ABR: variants seen among roughly 807,000 people sequenced by gnomAD.
ABR encodes active breakpoint cluster region-related protein.
A neutral mutation model predicts 107.2 loss-of-function variants in ABR; 35 were observed. The observed-to-expected ratio is 0.33, with a 90% CI of 0.25 to 0.43. The LOEUF (loss-of-function observed/expected upper bound fraction) is 0.43. Ranked by LOEUF, ABR falls within the 20% of genes least tolerant of loss-of-function variation. ABR has a pLI of 1.00. For synonymous variants in ABR, 498 were observed against 462.0 expected (o/e 1.08, Z -1.00); for missense variants, 815 against 1,115.2 (o/e 0.73, Z 3.83).
At chr17:1,028,154 G>GCA (rs2072378748) in intron 16 of ABR, among the ~76,000 whole-genome samples, 1 of 152,070 alleles carries the variant, frequency 6.6e-6, no homozygotes, top group Admixed American at 6.5e-5. Flanking sequence ...GCAGTGGCAT[G>GCA]ATCTCGGCTC....
rs570463043 is a variant in ABR, at chr17:1,223,907, C to T, written c.838+4886G>A. Among the ~76,000 whole-genome samples, 3 of 152,240 alleles carry T rather than the reference C, an allele frequency of 2.0e-5. No homozygotes were observed. In the East Asian group the frequency reaches 5.8e-4, roughly 29 times the overall value. On this transcript the variant is annotated intron_variant, in intron 1 of 22. Transcript: ENST00000574139. ...GTCGCCTCCCACCAGGTCCCTCCCT[C>T]GACACGTGGGGATGACAATTCGAGA...
At chr17:1,043,569 C>G (rs2031032179) in intron 16 of ABR, among the ~76,000 whole-genome samples, 1 of 152,170 alleles carries the variant, frequency 6.6e-6, no homozygotes, top group Non-Finnish European at 1.5e-5. Context: ...CTCTGTCACC[C>G]AGGCTGGAGT....
rs757072936 is a variant in ABR at position 1,011,693 on chromosome 17, G to A, written c.2101+153C>T. On this transcript the variant is annotated intron_variant, in intron 19 of 22. Transcript: ENST00000302538. This position sits in a 1 kb window ranked among gnomAD's most constrained non-coding sequence, Gnocchi z 4.8. ...CAAGGGACAAGAGATTGGAGGGGAG[G>A]GGATTACAAGAGAAAGCACTTGCCA... is the stretch of plus-strand genomic sequence containing the variant. 8 of 886,696 alleles carry A rather than the reference G, an allele frequency of 9.0e-6. No homozygotes were observed. Among genetic ancestry groups the A allele is most frequent in the African/African-American group, 1.7e-5 (1 of 59,846 alleles). The allele number at this position is 886,696 out of a possible 1,614,324, so 54.9% of individuals were successfully genotyped here.
At chr17:1,026,775 C>G (rs115075078) in intron 16 of ABR, among the ~76,000 whole-genome samples, 5,933 of 152,054 alleles carry the variant, frequency 0.039, 338 homozygotes, top group African/African-American at 0.12. Context: ...ACAGGGGAAA[C>G]GAGGTCAAAG....
At chr17:1,127,515 G>C (rs1412008312) in intron 1 of ABR, among the ~76,000 whole-genome samples, 2 of 152,272 alleles carry the variant, frequency 1.3e-5, no homozygotes, top group Admixed American at 1.3e-4. Context: ...TGAAGGGCCT[G>C]GCCGTTTGGT....
At position 1,217,092 on chromosome 17, in the gene ABR, G is replaced by A. The variant is rs575027879; in HGVS notation, c.838+11701C>T. Among the ~76,000 whole-genome samples the A allele has an allele frequency of 5.9e-5, 9 of 152,310 alleles. No individual in the cohort carries two copies. The South Asian group carries it at 1.9e-3, about 32-fold the overall frequency. On this transcript the variant is annotated intron_variant, in intron 1 of 22. Coordinates refer to the ABR transcript ENST00000574139. ...GCGGCTTTCCCTGCTGTCAGCAGGA[G>A]TGGGCTCTGGATTCCTCAAGATGCT... is the stretch of plus-strand genomic sequence containing the variant.
intron 1 of ABR, among the ~76,000 whole-genome samples, chr17:1,173,126 AC>A: frequency 1.9e-5 from 1 of 52,564 alleles, no homozygotes; most frequent in Admixed American, 2.6e-4. Context: ...ACCTCAGTCC[AC>A]CCCCCACACA....
rs114248938 is a variant in ABR, at chr17:1,016,280, A to G, written c.1792-3116T>C. On this transcript the variant is annotated intron_variant, in intron 16 of 22. Coordinates refer to ENST00000302538, the MANE Select transcript of ABR (RefSeq NM_021962.5). ...TTTTGAAAGGTTCTAAGTGGCCACT[A>G]GAGTCTTTTACTTTCTGAACACTGA... 5.5e-3 allele frequency among the ~76,000 whole-genome samples: 826 copies of G among 151,208 alleles called. 8 individuals carry two copies. The highest frequency in any genetic ancestry group is 0.019 in the African/African-American group (783 of 41,178).
At chr17:1,149,197 GC>G (rs1178544386) in intron 1 of ABR, among the ~76,000 whole-genome samples, 1 of 151,744 alleles carries the variant, frequency 6.6e-6, no homozygotes, top group Non-Finnish European at 1.5e-5. Flanking sequence ...GCTACCTAGC[GC>G]CCGGCCTATT....
chr17:1,006,743 G>A (rs1477847289), intron 22 of ABR, among the ~76,000 whole-genome samples: 2 of 151,874 alleles, frequency 1.3e-5, no homozygotes, highest in East Asian at 1.9e-4. Context: ...CTCACCCTCC[G>A]CCAGCCACGG....
intron 3 of ABR, among the ~76,000 whole-genome samples, chr17:1,098,633 A>G (rs1387575998): frequency 6.6e-6 from 1 of 152,234 alleles, no homozygotes; most frequent in African/African-American, 2.4e-5. Flanking sequence ...AAACAGTGCA[A>G]TACGCCTGCT....
intron 1 of ABR, among the ~76,000 whole-genome samples, chr17:1,135,376 TC>T (rs11322558): frequency 0.44 from 52,862 of 120,330 alleles, 10,929 homozygotes; most frequent in East Asian, 0.59. Flanking sequence ...TTTCTTTTTG[TC>T]TTTTTTTTTT....
At chr17:1,134,723 G>A (rs1192752612) in intron 1 of ABR, among the ~76,000 whole-genome samples, 3 of 152,228 alleles carry the variant, frequency 2.0e-5, no homozygotes, top group Non-Finnish European at 4.4e-5. Context: ...AGGTGGCTGG[G>A]GAGGCTTTGG....
intron 13 of ABR, 150 bp from the exon 14 acceptor site, chr17:1,056,259 AGGCCACGGC>A: frequency 1.4e-6 from 1 of 702,126 alleles, no homozygotes; most frequent in Non-Finnish European, 2.5e-6. Flanking sequence ...AAGTTTCCGA[AGGCCACGGC>A]GGCCTTATAT....
chr17:1,215,219 CAAA>C (rs71148449), intron 1 of ABR, among the ~76,000 whole-genome samples: 16 of 135,842 alleles, frequency 1.2e-4, no homozygotes, highest in Non-Finnish European at 1.6e-4. Context: ...GACTCTGTCT[CAAA>C]AAAAAAAAAA....
chr17:1,070,318 T>G lies in ABR; in HGVS notation c.895-228A>C, dbSNP rs2035123644. On this transcript the variant is annotated intron_variant, in intron 8 of 22. Transcript: ENST00000302538. This position sits in a 1 kb window ranked among gnomAD's most constrained non-coding sequence, Gnocchi z 4.2. ...TCTCAGACAGGCTCCCTGACCTCTC[T>G]GAATCCCAGATTCACCTTCTGTTAA... Among the ~76,000 whole-genome samples, 1 of 152,164 alleles carries G rather than the reference T, an allele frequency of 6.6e-6. No homozygotes were observed. The highest frequency in any genetic ancestry group is 1.5e-5 in the Non-Finnish European group (1 of 68,036).
At position 1,003,800 on chromosome 17, in the gene ABR, C is replaced by G. The variant is rs940148519; in HGVS notation, c.*2280G>C. 1 of 152,326 alleles carries G rather than the reference C, an allele frequency of 6.6e-6. No individual in the cohort carries two copies. The highest frequency in any genetic ancestry group is 2.4e-5 in the African/African-American group (1 of 41,440). The allele number at this position is 152,326 out of a possible 1,614,324, so 9.4% of individuals were successfully genotyped here. A position where few individuals can be genotyped will look rare whatever the true frequency, so the allele number is the denominator to read the frequency against. ...CAGCCCACCCTGCTGGGCACAGTGA[C>G]TGGAGGTTCCAGGCTGCACAGTCCC... On this transcript the variant is annotated 3_prime_UTR_variant, in exon 23 of 23. Transcript: ENST00000302538.
chr17:1,176,347 C>T (rs1463627238), intron 1 of ABR, among the ~76,000 whole-genome samples: 4 of 152,208 alleles, frequency 2.6e-5, no homozygotes, highest in East Asian at 1.9e-4. Context: ...TCCCCCATTC[C>T]GTGACATCCC....
rs201784546 is a variant in ABR at position 1,228,467 on chromosome 17, G to C, written c.838+326C>G. On this transcript the variant is annotated intron_variant, in intron 1 of 22. Transcript: ENST00000574139. ...GGTGACAGCACCCGGTGGCGCCAAG[G>C]GATCTGGCGGGGGCCAGGCCGGAGG... 1.4e-4 allele frequency among the ~76,000 whole-genome samples: 21 copies of C among 152,284 alleles called. No individual in the cohort carries two copies. The East Asian group carries it at 4.1e-3, about 29-fold the overall frequency.
Sources: allele counts gnomAD v4.1 joint callset (sites outside exome capture counted in the v4.1 genomes callset), GRCh38; gene constraint gnomAD v4.1.1; non-coding constraint Gnocchi (gnomAD v3.1); transcripts MANE v1.5; gene names NCBI Gene and HGNC (gene_info 2026-07-23, HGNC 2026-07-21).